CEMIP: variants seen among roughly 807,000 people sequenced by gnomAD.
The protein encoded by CEMIP is cell migration inducing hyaluronidase 1, also known as cell migration-inducing and hyaluronan-binding protein.
CEMIP carries 105 observed loss-of-function variants against 156.9 expected under a neutral mutation model. The observed-to-expected ratio is 0.67, with a 90% CI of 0.57 to 0.79. The LOEUF (loss-of-function observed/expected upper bound fraction) is 0.79. CEMIP is among the 30% of genes least tolerant of loss of function. The probability of loss-of-function intolerance (pLI) is 0.00; values close to 1 mark genes in which losing one functional copy is unlikely to be tolerated. For missense variants in CEMIP, 1,457 were observed against 1,769.4 expected (o/e 0.82, Z 3.17); for synonymous variants, 676 against 668.4 (o/e 1.01, Z -0.17).
chr15:80,926,211 A>G (rs1187003397), intron 19 of CEMIP, among the ~76,000 whole-genome samples: 2 of 152,220 alleles, frequency 1.3e-5, no homozygotes, highest in Non-Finnish European at 2.9e-5. Flanking sequence ...AAGGTCACGC[A>G]GTTAGCTAGA....
chr15:80,881,663 G>A (rs142457457), intron 6 of CEMIP, among the ~76,000 whole-genome samples: 9 of 152,314 alleles, frequency 5.9e-5, no homozygotes, highest in East Asian at 1.9e-4. Flanking sequence ...AAATGGGGGC[G>A]GGACAGGACC....
At chr15:80,859,896 G>A (rs1391061652) in intron 1 of CEMIP, among the ~76,000 whole-genome samples, 1 of 152,100 alleles carries the variant, frequency 6.6e-6, no homozygotes, top group Non-Finnish European at 1.5e-5. Flanking sequence ...GTCTGGCAGG[G>A]GTGCACATGC....
In CEMIP at chr15:80,864,521, G is replaced by A. The variant is rs150649646; in HGVS notation, c.-175-9017G>A. Among the ~76,000 whole-genome samples, 60 of 152,316 alleles carry A rather than the reference G, an allele frequency of 3.9e-4. 1 individual carries two copies. In the East Asian group the frequency reaches 0.01, roughly 26 times the overall value. ...TGACCTTTATGGAGTCTTCATCCGGGCCGGCCCGTGTACCACACACATCGC... is the reference window on the plus strand; with the variant it reads ...TGACCTTTATGGAGTCTTCATCCGGACCGGCCCGTGTACCACACACATCGC... On this transcript the variant is annotated intron_variant, in intron 1 of 29. Transcript: ENST00000394685.
In CEMIP at chr15:80,942,053, G is replaced by C; in HGVS notation, c.3612G>C (p.Leu1204=). 1 of 1,612,478 alleles carries C rather than the reference G, an allele frequency of 6.2e-7. No homozygotes were observed. Among genetic ancestry groups the C allele is most frequent in the Non-Finnish European group, 8.5e-7 (1 of 1,178,994 alleles). Residue 1204 remains leucine, a splice_region_variant and synonymous_variant, in exon 26 of 30, where the codon CTG becomes CTC. Transcript: ENST00000394685. The part of the protein sequence containing the change: ...PMPKKLFGSQ[L]KTKDHFLEVK... ...CCAAGAAGCTCTTTGGTTCTCAGCTGGTGAGTGGCTGAGAGCAAAGCCTAG... is the reference window on the plus strand; with the variant it reads ...CCAAGAAGCTCTTTGGTTCTCAGCTCGTGAGTGGCTGAGAGCAAAGCCTAG...
At position 80,900,588 on chromosome 15, in the gene CEMIP, GTGTGTGT is replaced by G. The variant is rs1567090753; in HGVS notation, c.1411+4529_1411+4535del. Among the ~76,000 whole-genome samples the G allele has an allele frequency of 3.3e-4, 19 of 56,954 alleles. No individual in the cohort carries two copies. In the South Asian group the frequency reaches 5.4e-3, roughly 16 times the overall value. The allele number at this position is 56,954 out of a possible 152,430, so 37.4% of individuals were successfully genotyped here. On this transcript the variant is annotated intron_variant, in intron 12 of 29. Transcript: ENST00000394685. Reference sequence around the variant, plus strand: ...CACCAGAAAAGCCCCAGGTAGGGGTGTGTGTGTGTGTGTGTGTGTGTGTGTGTGTGTG... The same window carrying G: ...CACCAGAAAAGCCCCAGGTAGGGGTGGTGTGTGTGTGTGTGTGTGTGTGTG...
intron 1 of CEMIP, among the ~76,000 whole-genome samples, chr15:80,856,156 G>A (rs1596136962): frequency 2.0e-5 from 3 of 152,300 alleles, no homozygotes; most frequent in Admixed American, 2.0e-4. Context: ...GAACTTTCTG[G>A]GGTGATGATA....
At chr15:80,901,935 C>T (rs1303246528) in intron 12 of CEMIP, among the ~76,000 whole-genome samples, 1 of 152,176 alleles carries the variant, frequency 6.6e-6, no homozygotes, top group East Asian at 1.9e-4. Flanking sequence ...AAGTCTCCAC[C>T]TGAAGATGAC....
intron 1 of CEMIP, among the ~76,000 whole-genome samples, chr15:80,867,309 T>A (rs150170462): frequency 1.2e-4 from 18 of 152,302 alleles, no homozygotes; most frequent in African/African-American, 4.3e-4. Context: ...TCCTACTGTC[T>A]GTGAGCCTGA....
chr15:80,831,088 C>A (rs1383574551), intron 1 of CEMIP, among the ~76,000 whole-genome samples: 6 of 152,152 alleles, frequency 3.9e-5, no homozygotes, highest in African/African-American at 1.2e-4. Flanking sequence ...CTTGGTCTAG[C>A]CTTCCAACCT....
chr15:80,830,005 C>T (rs76432766), intron 1 of CEMIP, among the ~76,000 whole-genome samples: 76,179 of 144,146 alleles, frequency 0.53, 19,559 homozygotes, highest in East Asian at 0.61. Flanking sequence ...TGTGTGTGCG[C>T]GCATGTCCTT....
intron 12 of CEMIP, among the ~76,000 whole-genome samples, chr15:80,900,054 T>A (rs28642938): frequency 0.042 from 6,379 of 151,892 alleles, 465 homozygotes; most frequent in African/African-American, 0.15. Context: ...CAGGGAGAGG[T>A]GCTCGGGGTT....
intron 1 of CEMIP, among the ~76,000 whole-genome samples, chr15:80,848,156 A>G (rs971737458): frequency 5.3e-5 from 8 of 152,210 alleles, no homozygotes; most frequent in Admixed American, 2.6e-4. Context: ...AACATCTGAG[A>G]GAGACCCCTG....
At chr15:80,930,360 G>C (rs115587048) in intron 21 of CEMIP, among the ~76,000 whole-genome samples, 1 of 152,128 alleles carries the variant, frequency 6.6e-6, no homozygotes, top group Non-Finnish European at 1.5e-5. Flanking sequence ...CCAGCCTCCC[G>C]GGGCCAGAAT....
chr15:80,781,401 T>C (rs895696290), intron 1 of CEMIP, among the ~76,000 whole-genome samples: 9 of 152,200 alleles, frequency 5.9e-5, no homozygotes, highest in African/African-American at 2.2e-4. Context: ...CAAAGGCTCC[T>C]TTTTAGCCCA....
chr15:80,826,321 C>A (rs1190613309), intron 1 of CEMIP, among the ~76,000 whole-genome samples: 1 of 152,204 alleles, frequency 6.6e-6, no homozygotes, highest in Non-Finnish European at 1.5e-5. Context: ...TCCCCTGCCG[C>A]CTTCCTGGTG....
intron 28 of CEMIP, chr15:80,946,298 G>A (rs1247417329): frequency 6.5e-6 from 1 of 152,958 alleles, no homozygotes; most frequent in Non-Finnish European, 1.5e-5. Flanking sequence ...CTTCTAGCAT[G>A]GGGCTTCTCG....
At chr15:80,888,871 A>G in intron 9 of CEMIP, 75 bp downstream of exon 9, 3 of 1,253,320 alleles carry the variant, frequency 2.4e-6, no homozygotes, top group Non-Finnish European at 3.5e-6. Context: ...TTGCAGAACT[A>G]GGATTTATCT....
At chr15:80,903,729 T>C (rs1567092786) in intron 12 of CEMIP, among the ~76,000 whole-genome samples, 4 of 152,292 alleles carry the variant, frequency 2.6e-5, no homozygotes, top group Non-Finnish European at 1.5e-5. Context: ...GGAAGTCTGA[T>C]TCCTTTCCTT....
chr15:80,886,524 T>C (rs1898847263), intron 7 of CEMIP, among the ~76,000 whole-genome samples: 1 of 152,148 alleles, frequency 6.6e-6, no homozygotes. Flanking sequence ...AATCGATTGA[T>C]AGCTTATAGT....
Sources: gnomAD v4.1 joint callset for allele counts (sites outside exome capture counted in the v4.1 genomes callset) on GRCh38, gnomAD v4.1.1 for gene constraint, MANE v1.5 for transcripts, NCBI Gene and HGNC (gene_info 2026-07-23, HGNC 2026-07-21) for gene names.